Variants in AGAP1 observed in about 807,000 individuals in gnomAD.
AGAP1 encodes the protein arf-GAP with GTPase, ANK repeat and PH domain-containing protein 1.
Under a neutral mutation model 105.3 loss-of-function variants are expected in AGAP1, and 29 were observed. That is an observed-to-expected ratio of 0.28 (90% confidence interval 0.21 to 0.38). AGAP1 has a LOEUF of 0.38. AGAP1 is among the 10% of genes least tolerant of loss of function. The pLI is 1.00. For synonymous variants in AGAP1, 509 were observed against 485.9 expected, an observed-to-expected ratio of 1.05 and a Z score of -0.63; for missense variants, 998 against 1,165.1, an observed-to-expected ratio of 0.86 and a Z score of 2.09.
chr2:236,049,543 C>G (rs992856089), intron 16 of AGAP1: 1 of 368,642 alleles, frequency 2.7e-6, no homozygotes, highest in African/African-American at 2.0e-5. Flanking sequence ...AAGCTTCTAA[C>G]CTTATGAATA....
Position 235,843,928 on chromosome 2 carries a change from C to G in AGAP1, c.1050+36597C>G, listed in dbSNP as rs1961163996. ...GCTGGCCGAGAAAGGAGCCTGCTTC[C>G]CAGCATGGCCTCACATTGTCATCAG... is the stretch of plus-strand genomic sequence containing the variant. On this transcript the variant is annotated intron_variant, in intron 9 of 17. Transcript: ENST00000304032. The surrounding 1 kb of genome is among the most constrained non-coding windows in gnomAD (Gnocchi z 5.9). Among the ~76,000 whole-genome samples, 1 of 152,184 alleles carries G rather than the reference C, an allele frequency of 6.6e-6. No homozygotes were observed. Among genetic ancestry groups the G allele is most frequent in the Non-Finnish European group, 1.5e-5 (1 of 68,032 alleles).
chr2:236,007,132 T>C (rs1301467072), intron 13 of AGAP1, among the ~76,000 whole-genome samples: 1 of 152,246 alleles, frequency 6.6e-6, no homozygotes, highest in Non-Finnish European at 1.5e-5. Context: ...GGAATTCTTC[T>C]TTTGCTTTTC....
Position 235,671,052 on chromosome 2 carries a change from G to A in AGAP1, c.164-38127G>A, listed in dbSNP as rs540251805. The A allele has an allele frequency of 4.3e-5, 54 of 1,269,752 alleles. No homozygotes were observed. The African/African-American group carries it at 7.1e-4, about 17-fold the overall frequency. 78.7% of individuals were successfully genotyped at this position (1,269,752 alleles called of 1,614,324 possible). A position where few individuals can be genotyped will look rare whatever the true frequency, so the allele number is the denominator to read the frequency against. Reference sequence around the variant, plus strand: ...GCCGAGAGCATCGACGGCTCCCCGCGCAGAGGTGGGCAGCGTGGCCGGGGG... The same window carrying A: ...GCCGAGAGCATCGACGGCTCCCCGCACAGAGGTGGGCAGCGTGGCCGGGGG... On this transcript the variant is annotated intron_variant, in intron 1 of 17. Transcript: ENST00000304032.
rs138091411 is a variant in AGAP1, at chr2:236,026,267, C to T, written c.1646-10294C>T. On this transcript the variant is annotated intron_variant, in intron 13 of 17. Transcript: ENST00000304032. The stretch of plus-strand genomic sequence containing the variant: ...TCAGAGTGGCCAGGGACATCACGTG[C>T]TCCAGTTGGCCAACATAGATGGGGC... Among the ~76,000 whole-genome samples the T allele has an allele frequency of 9.8e-4, 150 of 152,320 alleles. 2 individuals are homozygous for T. The East Asian group carries it at 0.019, about 19-fold the overall frequency.
intron 12 of AGAP1, 46 bp from the exon 13 acceptor site, chr2:235,968,416 C>G (rs765498358): frequency 6.6e-7 from 1 of 1,526,000 alleles, no homozygotes; most frequent in Non-Finnish European, 8.8e-7. Context: ...TAAGTGCTCA[C>G]TCTGCATTTT....
At chr2:235,629,730 T>C (rs541139702) in intron 1 of AGAP1, among the ~76,000 whole-genome samples, 1 of 138,534 alleles carries the variant, frequency 7.2e-6, no homozygotes, top group Admixed American at 7.4e-5. Context: ...AAAAAAAAAA[T>C]AGCTGGACGT....
chr2:236,057,211 T>G (rs561563791), intron 16 of AGAP1, among the ~76,000 whole-genome samples: 2 of 152,288 alleles, frequency 1.3e-5, no homozygotes, highest in East Asian at 3.9e-4. Context: ...TAGGTTCAAG[T>G]GATTCTCCTA....
chr2:235,797,956 A>G, intron 7 of AGAP1, 70 bp downstream of exon 7: 2 of 1,534,034 alleles, frequency 1.3e-6, no homozygotes, highest in Non-Finnish European at 1.8e-6. Flanking sequence ...TTCCCAGCCA[A>G]TGCTAAGGTT....
chr2:235,645,891 T>C (rs1947367458), intron 1 of AGAP1, among the ~76,000 whole-genome samples: 1 of 152,184 alleles, frequency 6.6e-6, no homozygotes, highest in South Asian at 2.1e-4. Context: ...GATAAGGACT[T>C]CAGAATCTAA....
At chr2:235,907,075 C>T (rs753433439) in intron 10 of AGAP1, among the ~76,000 whole-genome samples, 3 of 152,136 alleles carry the variant, frequency 2.0e-5, no homozygotes, top group Admixed American at 6.5e-5. Flanking sequence ...ACTGGGATCT[C>T]GCTTTGGCCT....
In AGAP1 at chr2:235,740,933, G is replaced by A. The variant is rs773482722; in HGVS notation, c.311-30G>A. ...GCCCTCCTCACTCTCTGTTGTTCTC[G>A]TGTAACGAGATGTTTTGTGTGTGTG... On this transcript the variant is annotated intron_variant, in intron 3 of 17. Transcript: ENST00000304032. This position sits in a 1 kb window ranked among gnomAD's most constrained non-coding sequence, Gnocchi z 5.7. 25 of 1,613,982 alleles carry A rather than the reference G, an allele frequency of 1.5e-5. No homozygotes were observed. The highest frequency in any genetic ancestry group is 3.3e-4 in the Middle Eastern group (2 of 6,036).
chr2:235,988,680 A>G lies in AGAP1; in HGVS notation c.1645+20057A>G, dbSNP rs1463160428. ...TGAGGGGGCCCAGTGGGTAAATGGA[A>G]TCTTAAAGACGAGAAATGATTATTT... On this transcript the variant is annotated intron_variant, in intron 13 of 17. Coordinates refer to ENST00000304032, the MANE Select transcript of AGAP1 (RefSeq NM_001037131.3). This position sits in a 1 kb window ranked among gnomAD's most constrained non-coding sequence, Gnocchi z 4.7. Among the ~76,000 whole-genome samples the G allele has an allele frequency of 6.6e-6, 1 of 152,118 alleles. No homozygotes were observed. The highest frequency in any genetic ancestry group is 1.9e-4 in the East Asian group (1 of 5,176).
At position 235,611,485 on chromosome 2, in the gene AGAP1, A is replaced by G. The variant is rs77075851; in HGVS notation, c.164-97694A>G. Among the ~76,000 whole-genome samples the G allele has an allele frequency of 0.012, 1,809 of 152,280 alleles. 35 individuals carry two copies. Among genetic ancestry groups the G allele is most frequent in the African/African-American group, 0.039 (1,604 of 41,554 alleles). ...TGCAGTTGCACACATCTGTGATAAC[A>G]TGGGGTGGGTGGTTCTGATTCCTGT... On this transcript the variant is annotated intron_variant, in intron 1 of 17. Transcript: ENST00000304032. This position sits in a 1 kb window ranked among gnomAD's most constrained non-coding sequence, Gnocchi z 5.0.
chr2:236,095,855 C>T lies in AGAP1; in HGVS notation c.2115-24337C>T, dbSNP rs1335101975. On this transcript the variant is annotated intron_variant, in intron 16 of 17. Transcript: ENST00000304032. The surrounding 1 kb of genome is among the most constrained non-coding windows in gnomAD (Gnocchi z 4.1). Reference sequence around the variant, plus strand: ...TATATTTTTGAGTTTTGCATCATGGCGCATAGCTGCTTTTTTCCTTTTAGG... The same window carrying T: ...TATATTTTTGAGTTTTGCATCATGGTGCATAGCTGCTTTTTTCCTTTTAGG... Among the ~76,000 whole-genome samples, 1 of 152,036 alleles carries T rather than the reference C, an allele frequency of 6.6e-6. No individual in the cohort carries two copies. The highest frequency in any genetic ancestry group is 2.4e-5 in the African/African-American group (1 of 41,422).
At chr2:236,054,431 C>G (rs1342915949) in intron 16 of AGAP1, among the ~76,000 whole-genome samples, 1 of 138,284 alleles carries the variant, frequency 7.2e-6, no homozygotes, top group African/African-American at 2.8e-5. Context: ...AATGTTTTGT[C>G]TCTTTTGAGT....
At position 236,123,516 on chromosome 2, in the gene AGAP1, AAGT is replaced by A. The variant is rs1273497102; in HGVS notation, c.2371-398_2371-396del. Among the ~76,000 whole-genome samples, 129 of 152,322 alleles carry A rather than the reference AAGT, an allele frequency of 8.5e-4. No individual in the cohort carries two copies. The highest frequency in any genetic ancestry group is 3.0e-3 in the African/African-American group (125 of 41,574). The stretch of plus-strand genomic sequence containing the variant: ...ACACTAATTCACAAAGGTTATCTCT[AAGT>A]AGTAAGATTATGGGTGATTTTTTTT... On this transcript the variant is annotated intron_variant, in intron 17 of 17. Coordinates refer to ENST00000304032, the MANE Select transcript of AGAP1 (RefSeq NM_001037131.3). The surrounding 1 kb of genome is among the most constrained non-coding windows in gnomAD (Gnocchi z 4.6).
intron 1 of AGAP1, among the ~76,000 whole-genome samples, chr2:235,696,894 G>C (rs1950024965): frequency 6.6e-6 from 1 of 151,992 alleles, no homozygotes; most frequent in Admixed American, 6.6e-5. Flanking sequence ...TGAGGCTGGA[G>C]AATCTCTTGA....
At position 235,967,608 on chromosome 2, in the gene AGAP1, T is replaced by C. The variant is rs2054461042; in HGVS notation, c.1484-854T>C. ...GGTGTGCTGTACAGAACTCTGACTT[T>C]GGACTTAAAGATGCTGAATCGTGAA... On this transcript the variant is annotated intron_variant, in intron 12 of 17. Transcript: ENST00000304032. This position sits in a 1 kb window ranked among gnomAD's most constrained non-coding sequence, Gnocchi z 4.7. Among the ~76,000 whole-genome samples, 1 of 152,210 alleles carries C rather than the reference T, an allele frequency of 6.6e-6. No homozygotes were observed. The highest frequency in any genetic ancestry group is 1.5e-5 in the Non-Finnish European group (1 of 68,042).
chr2:235,558,402 G>A (rs1210347579), intron 1 of AGAP1, among the ~76,000 whole-genome samples: 1 of 152,114 alleles, frequency 6.6e-6, no homozygotes, highest in African/African-American at 2.4e-5. Context: ...GGAGATATGT[G>A]TATGATTGAT....
Sources: gnomAD v4.1 joint callset for allele counts (sites outside exome capture counted in the v4.1 genomes callset) on GRCh38, gnomAD v4.1.1 for gene constraint, Gnocchi (gnomAD v3.1) non-coding constraint, MANE v1.5 for transcripts, NCBI Gene and HGNC (gene_info 2026-07-23, HGNC 2026-07-21) for gene names.